The following ROBO3 variants were observed in gnomAD, a reference collection of about 807,000 sequenced individuals.
The protein encoded by ROBO3 is roundabout homolog 3.
In ROBO3, 97 loss-of-function variants were observed where a neutral mutation model predicts 160.5. The ratio of observed to expected loss-of-function variants is 0.60; its 90% CI spans 0.51 to 0.72. The LOEUF is 0.72. ROBO3 is among the 30% of genes least tolerant of loss of function. The pLI is 0.00. For missense variants in ROBO3, 1,858 were observed against 1,846.5 expected (o/e 1.01, Z -0.11); for synonymous variants, 780 against 746.2 (o/e 1.05, Z -0.74).
Position 124,875,164 on chromosome 11 carries a change from A to G in ROBO3, c.2127A>G (p.Ala709=). The change falls in exon 14 of 28, where the codon GCA becomes GCG. Residue 709 remains alanine, a synonymous_variant. Coordinates refer to ENST00000397801, the MANE Select transcript of ROBO3 (RefSeq NM_022370.4). ...GTTTCCGGGTGTCTTGGAGGGTAGCAGGCCCTGAGGGAGGAAGCTGGACAA... is the reference window on the plus strand; with the variant it reads ...GTTTCCGGGTGTCTTGGAGGGTAGCGGGCCCTGAGGGAGGAAGCTGGACAA... The part of the protein sequence containing the change: ...VQGFRVSWRV[A]GPEGGSWTML... The G allele has an allele frequency of 1.9e-6, 3 of 1,613,558 alleles. No individual in the cohort carries two copies. The highest frequency in any genetic ancestry group is 2.5e-6 in the Non-Finnish European group (3 of 1,179,780).
chr11:124,881,156 G>A (rs1026567141), intron 27 of ROBO3, 83 bp from the exon 28 acceptor site: 1 of 1,399,372 alleles, frequency 7.1e-7, no homozygotes, highest in East Asian at 2.4e-5. Context: ...ACTGGGTTAG[G>A]AGAGAGAAAG....
chr11:124,876,243 C>G lies in ROBO3; in HGVS notation c.2594-32C>G. On this transcript the variant is annotated intron_variant, in intron 16 of 27. Coordinates refer to ENST00000397801, the MANE Select transcript of ROBO3 (RefSeq NM_022370.4). This position sits in a 1 kb window ranked among gnomAD's most constrained non-coding sequence, Gnocchi z 5.3. ...CTTTCCCAGTTCCAGGGTTTCGGGCCCCTCCTCCCCTCACTTCTCTGACCC... is the reference window on the plus strand; with the variant it reads ...CTTTCCCAGTTCCAGGGTTTCGGGCGCCTCCTCCCCTCACTTCTCTGACCC... 1 of 1,492,456 alleles carries G rather than the reference C, an allele frequency of 6.7e-7. No individual in the cohort carries two copies. Among genetic ancestry groups the G allele is most frequent in the Non-Finnish European group, 8.8e-7 (1 of 1,130,082 alleles). The allele number at this position is 1,492,456 out of a possible 1,614,324, so 92.5% of individuals were successfully genotyped here. A position where few individuals can be genotyped will look rare whatever the true frequency, so the allele number is the denominator to read the frequency against.
chr11:124,870,822 G>C, intron 6 of ROBO3, 94 bp downstream of exon 6: 1 of 1,556,274 alleles, frequency 6.4e-7, no homozygotes, highest in Non-Finnish European at 8.7e-7. Flanking sequence ...GGGCAGAGAA[G>C]GGCATGTGGA....
rs990744309 is a variant in ROBO3 at position 124,865,441 on chromosome 11, C to A, written c.-137C>A. The A allele has an allele frequency of 2.3e-5, 19 of 812,892 alleles. No individual in the cohort carries two copies. Among genetic ancestry groups the A allele is most frequent in the Admixed American group, 1.1e-4 (4 of 37,996 alleles). The allele number at this position is 812,892 out of a possible 1,614,324, so 50.4% of individuals were successfully genotyped here. The stretch of plus-strand genomic sequence containing the variant: ...CGAAGAGGCACCGACCGTACCCAGG[C>A]GCACCGGCAGGAGAGCGGCACCGTG... On this transcript the variant is annotated 5_prime_UTR_variant, in exon 1 of 28. Transcript: ENST00000397801. The surrounding 1 kb of genome is among the most constrained non-coding windows in gnomAD (Gnocchi z 5.5).
chr11:124,868,532 TG>T, intron 1 of ROBO3: 1 of 612,762 alleles, frequency 1.6e-6, no homozygotes. Flanking sequence ...GGTCTCTAGG[TG>T]GTCCAGAAAG....
At position 124,869,754 on chromosome 11, in the gene ROBO3, T is replaced by C; in HGVS notation, c.645+147T>C. The C allele has an allele frequency of 7.9e-7, 1 of 1,259,520 alleles. No homozygotes were observed. Among genetic ancestry groups the C allele is most frequent in the Non-Finnish European group, 1.1e-6 (1 of 916,648 alleles). The allele number at this position is 1,259,520 out of a possible 1,614,324, so 78.0% of individuals were successfully genotyped here. A position where few individuals can be genotyped will look rare whatever the true frequency, so the allele number is the denominator to read the frequency against. ...TGAGGGATAAGGAAGACGGAATTGG[T>C]ATAAAAAAGGGGCGGGGGCATGATG... On this transcript the variant is annotated intron_variant, in intron 3 of 27. Transcript: ENST00000397801. This position sits in a 1 kb window ranked among gnomAD's most constrained non-coding sequence, Gnocchi z 4.2.
Position 124,868,957 on chromosome 11 carries a change from A to C in ROBO3, c.316A>C (p.Thr106Pro). 1 of 1,605,256 alleles carries C rather than the reference A, an allele frequency of 6.2e-7. No individual in the cohort carries two copies. Residue 106 changes from threonine (T) to proline (P), a missense_variant, in exon 2 of 28, where the codon ACT (threonine) becomes CCT (proline). Thr to Pro is a conservative substitution (Grantham distance 38, BLOSUM62 -1). Coordinates refer to ENST00000397801, the MANE Select transcript of ROBO3 (RefSeq NM_022370.4). The part of the protein sequence containing the change: ...EWYKNGARVA[T>P]VREDPRAHRL... The stretch of plus-strand genomic sequence containing the variant: ...GTACAAGAACGGGGCGCGTGTGGCC[A>C]CTGTGCGGGAGGATCCGCGTGCGCA...
Position 124,872,830 on chromosome 11 carries a change from GC to G in ROBO3, c.1331-51del, listed in dbSNP as rs1400474676. ...GAGCAGAGAATGAGGACAAGGGGCT[GC>G]CCGCGGGGCCCTAAGCTCCTCCCCT... On this transcript the variant is annotated intron_variant, in intron 8 of 27. Coordinates refer to ENST00000397801, the MANE Select transcript of ROBO3 (RefSeq NM_022370.4). The surrounding 1 kb of genome is among the most constrained non-coding windows in gnomAD (Gnocchi z 4.3). 7.0e-7 allele frequency: 1 copy of G among 1,421,900 alleles called. No individual in the cohort carries two copies. The highest frequency in any genetic ancestry group is 9.4e-7 in the Non-Finnish European group (1 of 1,060,616). 88.1% of individuals were successfully genotyped at this position (1,421,900 alleles called of 1,614,324 possible).
Position 124,870,313 on chromosome 11 carries a change from C to T in ROBO3, c.905+10C>T. On this transcript the variant is annotated intron_variant, in intron 5 of 27. Coordinates refer to ENST00000397801, the MANE Select transcript of ROBO3 (RefSeq NM_022370.4). ...AACTGCCCACAGGCAGGTGAGAGAC[C>T]CCCTTCTGCCTGTAGGAAGACCCAA... 1.2e-6 allele frequency: 2 copies of T among 1,611,474 alleles called. No homozygotes were observed. The highest frequency in any genetic ancestry group is 8.5e-7 in the Non-Finnish European group (1 of 1,178,744).
At position 124,870,398 on chromosome 11, in the gene ROBO3, A is replaced by G. The variant is rs562653764; in HGVS notation, c.905+95A>G. 8.6e-6 allele frequency: 13 copies of G among 1,508,770 alleles called. No homozygotes were observed. The African/African-American group carries it at 9.7e-5, about 11-fold the overall frequency. The allele number at this position is 1,508,770 out of a possible 1,614,324, so 93.5% of individuals were successfully genotyped here. ...GAAGACAGGCACATTCTCACTTGAGAACACAGAGAAGTCTGTTCCCTAGAG... is the reference window on the plus strand; with the variant it reads ...GAAGACAGGCACATTCTCACTTGAGGACACAGAGAAGTCTGTTCCCTAGAG... On this transcript the variant is annotated intron_variant, in intron 5 of 27. Transcript: ENST00000397801.
chr11:124,867,701 G>T (rs988379589), intron 1 of ROBO3, among the ~76,000 whole-genome samples: 1 of 151,708 alleles, frequency 6.6e-6, no homozygotes, highest in African/African-American at 2.4e-5. Context: ...ACTTCTAAGA[G>T]GGGGGGCAGG....
At position 124,869,232 on chromosome 11, in the gene ROBO3, C is replaced by A; in HGVS notation, c.487+104C>A. The A allele has an allele frequency of 7.8e-7, 1 of 1,284,108 alleles. No homozygotes were observed. The highest frequency in any genetic ancestry group is 1.1e-6 in the Non-Finnish European group (1 of 920,224). The allele number at this position is 1,284,108 out of a possible 1,614,324, so 79.5% of individuals were successfully genotyped here. ...ACCAGCCCCAAAGGACTTCAGCCCA[C>A]TCAGCATCCTTCTTTGGGACCGCGA... On this transcript the variant is annotated intron_variant, in intron 2 of 27. Transcript: ENST00000397801. The surrounding 1 kb of genome is among the most constrained non-coding windows in gnomAD (Gnocchi z 4.2).
In ROBO3 at chr11:124,876,459, G is replaced by T. The variant is rs1407832224; in HGVS notation, c.2778G>T (p.Thr926=). ...AGCGCAAAGAGCTCAGCCACTACAC[G>T]GGTGAGCTCCCGGCCTCGGAGCGGA... is the stretch of plus-strand genomic sequence containing the variant. The part of the protein sequence containing the change: ...RKQRKELSHY[T]ASFAYTPAVS... Residue 926 remains threonine, a splice_region_variant and synonymous_variant, in exon 17 of 28, where the codon ACG becomes ACT. Transcript: ENST00000397801. This position sits in a 1 kb window ranked among gnomAD's most constrained non-coding sequence, Gnocchi z 5.3. 4 of 1,403,492 alleles carry T rather than the reference G, an allele frequency of 2.9e-6. No individual in the cohort carries two copies. Among genetic ancestry groups the T allele is most frequent in the East Asian group, 2.9e-5 (1 of 34,226 alleles). 86.9% of individuals were successfully genotyped at this position (1,403,492 alleles called of 1,614,324 possible). A position where few individuals can be genotyped will look rare whatever the true frequency, so the allele number is the denominator to read the frequency against.
rs1946256970 is a variant in ROBO3, at chr11:124,869,908, A to G, written c.646-40A>G. ...ATTCACCATATATATATACGCTGTGATAGCTGAAATGGACCAAAGTTACCA... is the reference window on the plus strand; with the variant it reads ...ATTCACCATATATATATACGCTGTGGTAGCTGAAATGGACCAAAGTTACCA... On this transcript the variant is annotated intron_variant, in intron 3 of 27. Transcript: ENST00000397801. The surrounding 1 kb of genome is among the most constrained non-coding windows in gnomAD (Gnocchi z 4.2). The G allele has an allele frequency of 1.1e-5, 17 of 1,560,348 alleles. No homozygotes were observed. The South Asian group carries it at 1.5e-4, about 14-fold the overall frequency.
rs529981490 is a variant in ROBO3, at chr11:124,869,431, C to A, written c.488-19C>A. On this transcript the variant is annotated intron_variant, in intron 2 of 27. Coordinates refer to ENST00000397801, the MANE Select transcript of ROBO3 (RefSeq NM_022370.4). The surrounding 1 kb of genome is among the most constrained non-coding windows in gnomAD (Gnocchi z 4.2). ...TCACTCTACACCCTGCTTATTTCGCCCCCCACCGCCCCGCCCAGTCCTCCG... is the reference window on the plus strand; with the variant it reads ...TCACTCTACACCCTGCTTATTTCGCACCCCACCGCCCCGCCCAGTCCTCCG... The A allele has an allele frequency of 4.6e-6, 6 of 1,303,868 alleles. No homozygotes were observed. The highest frequency in any genetic ancestry group is 1.9e-5 in the Admixed American group (1 of 51,312). 80.8% of individuals were successfully genotyped at this position (1,303,868 alleles called of 1,614,324 possible). A position where few individuals can be genotyped will look rare whatever the true frequency, so the allele number is the denominator to read the frequency against.
Position 124,870,029 on chromosome 11 carries a change from G to A in ROBO3, c.727G>A (p.Gly243Arg). ...TGTGTGCGTAGCCTCCAACATGGCG[G>A]GAGAACGGGAGAGTGCGGCAGCTGA... ...MYVCVASNMA[G>R]ERESAAAEVM... is the part of the protein sequence containing the mutation. Residue 243 changes from glycine to arginine, a missense_variant, in exon 4 of 28, where the codon GGA becomes AGA. Physicochemically the swap from Gly to Arg is moderately radical, Grantham distance 125. Transcript: ENST00000397801. 1 of 1,614,030 alleles carries A rather than the reference G, an allele frequency of 6.2e-7. No homozygotes were observed. Among genetic ancestry groups the A allele is most frequent in the East Asian group, 2.2e-5 (1 of 44,876 alleles).
chr11:124,869,984 A>G lies in ROBO3; in HGVS notation c.682A>G (p.Lys228Glu). 1 of 1,613,466 alleles carries G rather than the reference A, an allele frequency of 6.2e-7. No homozygotes were observed. The highest frequency in any genetic ancestry group is 1.1e-5 in the South Asian group (1 of 90,978). ...GGKLMMSHTL[K>E]SDAGMYVCVA... Reference sequence around the variant, plus strand: ...GAAGCTGATGATGTCACATACACTCAAGAGCGATGCAGGCATGTATGTGTG... The same window carrying G: ...GAAGCTGATGATGTCACATACACTCGAGAGCGATGCAGGCATGTATGTGTG... The change falls in exon 4 of 28, where the codon AAG becomes GAG. Residue 228 changes from lysine to glutamate, a missense_variant. Coordinates refer to ENST00000397801, the MANE Select transcript of ROBO3 (RefSeq NM_022370.4). This position sits in a 1 kb window ranked among gnomAD's most constrained non-coding sequence, Gnocchi z 4.2.
At position 124,876,239 on chromosome 11, in the gene ROBO3, G is replaced by A. The variant is rs1350191403; in HGVS notation, c.2594-36G>A. On this transcript the variant is annotated intron_variant, in intron 16 of 27. Coordinates refer to ENST00000397801, the MANE Select transcript of ROBO3 (RefSeq NM_022370.4). This position sits in a 1 kb window ranked among gnomAD's most constrained non-coding sequence, Gnocchi z 5.3. ...GACCCTTTCCCAGTTCCAGGGTTTC[G>A]GGCCCCTCCTCCCCTCACTTCTCTG... 3 of 1,494,678 alleles carry A rather than the reference G, an allele frequency of 2.0e-6. No homozygotes were observed. Among genetic ancestry groups the A allele is most frequent in the Admixed American group, 2.2e-5 (1 of 45,112 alleles). 92.6% of individuals were successfully genotyped at this position (1,494,678 alleles called of 1,614,324 possible).
At position 124,873,900 on chromosome 11, in the gene ROBO3, A is replaced by T. The variant is rs1425576311; in HGVS notation, c.1784+38A>T. The T allele has an allele frequency of 6.2e-7, 1 of 1,610,436 alleles. No individual in the cohort carries two copies. Among genetic ancestry groups the T allele is most frequent in the Admixed American group, 1.7e-5 (1 of 59,548 alleles). ...TTTTGAATGCAAACCTGGAGAGTTAAAAGGAGGGGATCCTATGCCCTTAGG... is the reference window on the plus strand; with the variant it reads ...TTTTGAATGCAAACCTGGAGAGTTATAAGGAGGGGATCCTATGCCCTTAGG... On this transcript the variant is annotated intron_variant, in intron 11 of 27. Coordinates refer to ENST00000397801, the MANE Select transcript of ROBO3 (RefSeq NM_022370.4). This position sits in a 1 kb window ranked among gnomAD's most constrained non-coding sequence, Gnocchi z 4.5.
Sources: allele counts gnomAD v4.1 joint callset (sites outside exome capture counted in the v4.1 genomes callset), GRCh38; gene constraint gnomAD v4.1.1; non-coding constraint Gnocchi (gnomAD v3.1); transcripts MANE v1.5; gene names NCBI Gene and HGNC (gene_info 2026-07-23, HGNC 2026-07-21).